The following PDLIM7 variants were observed in gnomAD, a reference collection of about 807,000 sequenced individuals.
PDLIM7 encodes the protein PDZ and LIM domain protein 7.
A neutral mutation model predicts 53.9 loss-of-function variants in PDLIM7; 37 were observed. That is an observed-to-expected ratio of 0.69 (90% CI 0.53 to 0.90). The LOEUF (loss-of-function observed/expected upper bound fraction) is 0.90, where lower values mean the gene tolerates loss of function less well. PDLIM7 is among the 40% of genes least tolerant of loss of function. PDLIM7 has a pLI of 0.00. For missense variants in PDLIM7, 617 were observed against 638.5 expected (o/e 0.97, Z 0.36); for synonymous variants, 300 against 261.3 (o/e 1.15, Z -1.43).
chr5:177,490,462 G>A (rs1325082658), intron 7 of PDLIM7: 1 of 1,541,890 alleles, frequency 6.5e-7, no homozygotes, highest in African/African-American at 1.4e-5. Context: ...CAGAAAGAGG[G>A]AGGCAGAGAG....
intron 7 of PDLIM7, 110 bp downstream of exon 7, chr5:177,490,758 GAA>G (rs879155376): frequency 0.19 from 176,865 of 916,290 alleles, 27,365 homozygotes; most frequent in Admixed American, 0.31. Context: ...AGGAAGGAAG[GAA>G]GGAAGGGAGA....
In PDLIM7 at chr5:177,491,051, C is replaced by T. The variant is rs370533591; in HGVS notation, c.494G>A (p.Arg165His). The change falls in exon 6 of 13, where the codon CGT (arginine) becomes CAT (histidine). Residue 165 changes from arginine to histidine, a missense_variant. Arg to His is a conservative substitution (Grantham distance 29). Transcript: ENST00000355841. ...WRPRPGTGQS[R>H]SFRILAHLTG... is the part of the protein sequence containing the mutation. ...GAGGTGGGCAAGGATGCGGAAGGAA[C>T]GCGACTGGCCTGTCCCCGGCCGCGG... The T allele has an allele frequency of 1.5e-5, 24 of 1,611,912 alleles. No individual in the cohort carries two copies. The highest frequency in any genetic ancestry group is 1.7e-5 in the Non-Finnish European group (20 of 1,179,242).
intron 7 of PDLIM7, chr5:177,490,158 G>A (rs1338980537): frequency 1.6e-5 from 23 of 1,467,394 alleles, no homozygotes; most frequent in Middle Eastern, 2.0e-4. Context: ...AAACGAGGAC[G>A]GCAGGGCCCA....
intron 2 of PDLIM7, among the ~76,000 whole-genome samples, chr5:177,496,170 T>C (rs1759060056): frequency 6.6e-6 from 1 of 152,038 alleles, no homozygotes. Flanking sequence ...CCCTCAGAGG[T>C]GGCCACAGGA....
At chr5:177,489,853 G>C in intron 7 of PDLIM7, 21 bp from the exon 8 acceptor site, 1 of 1,572,820 alleles carries the variant, frequency 6.4e-7, no homozygotes, top group Non-Finnish European at 8.6e-7. Context: ...TGCCATTCAA[G>C]GCCCTGCATG....
chr5:177,492,657 C>T lies in PDLIM7; in HGVS notation c.117G>A (p.Ala39=), dbSNP rs148786663. ...SISRLTPGGK[A]AQAGVAVGDW... is the part of the protein sequence containing the mutation. ...CACCCACGGCCACTCCGGCCTGCGC[C>T]GCTTTGCCCCCAGGAGTGAGCTGTG... Residue 39 remains alanine (A), a synonymous_variant, in exon 3 of 13, where the codon GCG becomes GCA. Coordinates refer to ENST00000355841, the MANE Select transcript of PDLIM7 (RefSeq NM_005451.5). 3.7e-4 allele frequency: 587 copies of T among 1,606,274 alleles called. No homozygotes were observed. The highest frequency in any genetic ancestry group is 2.2e-4 in the Non-Finnish European group (257 of 1,179,904).
intron 5 of PDLIM7, chr5:177,491,433 TAAGAC>T (rs1758775720): frequency 2.6e-6 from 4 of 1,547,238 alleles, no homozygotes; most frequent in South Asian, 1.2e-5. Flanking sequence ...GTGAAGGAAA[TAAGAC>T]AGACAGACAG....
intron 2 of PDLIM7, among the ~76,000 whole-genome samples, chr5:177,493,529 C>T (rs1381119607): frequency 2.0e-5 from 3 of 152,214 alleles, no homozygotes; most frequent in African/African-American, 7.2e-5. Context: ...TGCTGCCTAG[C>T]GGGTGAGAGT....
At chr5:177,493,377 G>C (rs150712302) in intron 2 of PDLIM7, among the ~76,000 whole-genome samples, 1 of 152,322 alleles carries the variant, frequency 6.6e-6, no homozygotes, top group East Asian at 1.9e-4. Flanking sequence ...CAATCCTTCA[G>C]GCTCTTGAGC....
chr5:177,489,574 A>T lies in PDLIM7; in HGVS notation c.688T>A (p.Phe230Ile). The change falls in exon 9 of 13, where the codon TTT (phenylalanine) becomes ATT (isoleucine). Residue 230 changes from phenylalanine (F) to isoleucine (I), a missense_variant. Phe to Ile is a conservative substitution (Grantham distance 21). Coordinates refer to ENST00000355841, the MANE Select transcript of PDLIM7 (RefSeq NM_005451.5). Reference protein sequence around the residue: ...SRPPWAVDPAFAERYAPDKTS... With the variant: ...SRPPWAVDPAIAERYAPDKTS... The stretch of plus-strand genomic sequence containing the variant: ...TTGTCCGGGGCATAGCGCTCGGCAA[A>T]CGCAGGGTCCACAGCCCAGGGCGGG... 1.9e-6 allele frequency: 3 copies of T among 1,610,356 alleles called. No individual in the cohort carries two copies. The highest frequency in any genetic ancestry group is 2.5e-6 in the Non-Finnish European group (3 of 1,179,128).
At chr5:177,489,307 GC>G (rs1758618459) in intron 9 of PDLIM7, 85 bp downstream of exon 9, 1 of 1,023,446 alleles carries the variant, frequency 9.8e-7, no homozygotes, top group Non-Finnish European at 1.4e-6. Context: ...CCCCCCAGTC[GC>G]AGCTGAGGCA....
intron 2 of PDLIM7, among the ~76,000 whole-genome samples, chr5:177,495,383 GACA>G (rs1159630954): frequency 5.4e-4 from 82 of 152,272 alleles, no homozygotes; most frequent in African/African-American, 1.9e-3. Flanking sequence ...TGGGCTTCCT[GACA>G]ACAGCTGCCT....
chr5:177,483,424 G>A lies in PDLIM7; in HGVS notation c.*220C>T. 1 of 528,018 alleles carries A rather than the reference G, an allele frequency of 1.9e-6. No homozygotes were observed. Among genetic ancestry groups the A allele is most frequent in the South Asian group, 2.9e-5 (1 of 34,656 alleles). The allele number at this position is 528,018 out of a possible 1,614,324, so 32.7% of individuals were successfully genotyped here. A position where few individuals can be genotyped will look rare whatever the true frequency, so the allele number is the denominator to read the frequency against. On this transcript the variant is annotated 3_prime_UTR_variant, in exon 13 of 13. Transcript: ENST00000355841. ...CTGGGTACAGGTTTATTGTGGCACT[G>A]GAGGTGAAAGGGGGCTGGTGTGGCC...
Position 177,489,535 on chromosome 5 carries a change from G to C in PDLIM7, c.727C>G (p.Leu243Val), listed in dbSNP as rs1316856378. The change falls in exon 9 of 13, where the codon CTG (leucine) becomes GTG (valine). Residue 243 changes from leucine (L) to valine (V), a missense_variant. Transcript: ENST00000355841. ...RYAPDKTSTV[L>V]TRHSQPATPT... ...GTGGCCGGCTGGCTGTGCCGGGTCA[G>C]CACTGTGCTCGTTTTGTCCGGGGCA... 6.2e-7 allele frequency: 1 copy of C among 1,610,192 alleles called. No individual in the cohort carries two copies. The highest frequency in any genetic ancestry group is 1.7e-5 in the Admixed American group (1 of 59,632).
rs773772955 is a variant in PDLIM7 at position 177,489,525 on chromosome 5, T to A, written c.737A>T (p.His246Leu). 6.2e-7 allele frequency: 1 copy of A among 1,609,620 alleles called. No individual in the cohort carries two copies. Among genetic ancestry groups the A allele is most frequent in the Non-Finnish European group, 8.5e-7 (1 of 1,178,800 alleles). The change falls in exon 9 of 13, where the codon CAC becomes CTC. Residue 246 changes from histidine (H) to leucine (L), a missense_variant. His to Leu is a moderately conservative substitution (Grantham distance 99, BLOSUM62 -3). Transcript: ENST00000355841. The part of the protein sequence containing the change: ...PDKTSTVLTR[H>L]SQPATPTPLQ... ...CGGCGTGGGCGTGGCCGGCTGGCTG[T>A]GCCGGGTCAGCACTGTGCTCGTTTT...
At chr5:177,491,649 GGGGCCCT>G in intron 5 of PDLIM7, 151 bp downstream of exon 5, 1 of 615,110 alleles carries the variant, frequency 1.6e-6, no homozygotes. Flanking sequence ...AGCCTCGGGA[GGGGCCCT>G]GTGCCTGCAG....
chr5:177,488,981 G>A (rs528094699), intron 9 of PDLIM7, among the ~76,000 whole-genome samples: 1 of 152,170 alleles, frequency 6.6e-6, no homozygotes, highest in Non-Finnish European at 1.5e-5. Context: ...ATGCTGGGGG[G>A]TGTTTGATGC....
At chr5:177,492,183 C>T in intron 4 of PDLIM7, 1 of 634,004 alleles carries the variant, frequency 1.6e-6, no homozygotes, top group Non-Finnish European at 2.7e-6. Flanking sequence ...CGGGAGGCAG[C>T]AGGCGGACAG....
rs768034354 is a variant in PDLIM7 at position 177,490,521 on chromosome 5, G to C, written c.572+349C>G. 1.5e-5 allele frequency: 23 copies of C among 1,563,996 alleles called. No homozygotes were observed. In the East Asian group the frequency reaches 5.0e-4, roughly 34 times the overall value. ...GCTACGACTGCACGTTGAGCACGTG[G>C]GCAGAGCGCTGGTGGTGCCAGTCCC... On this transcript the variant is annotated intron_variant, in intron 7 of 12. Transcript: ENST00000355841.
Sources: gnomAD v4.1 joint callset for allele counts (sites outside exome capture counted in the v4.1 genomes callset) on GRCh38, gnomAD v4.1.1 for gene constraint, MANE v1.5 for transcripts, NCBI Gene and HGNC (gene_info 2026-07-23, HGNC 2026-07-21) for gene names.